The following KCNIP4 variants were observed in gnomAD, a reference collection of about 807,000 sequenced individuals.
KCNIP4 encodes Kv channel-interacting protein 4.
In KCNIP4, 12 loss-of-function variants were observed where a neutral mutation model predicts 34.0. That is an observed-to-expected ratio of 0.35 (90% CI 0.23 to 0.57). KCNIP4 has a LOEUF of 0.57. Among genes scored for constraint, KCNIP4 ranks in the 20% least tolerant of loss-of-function variants. KCNIP4 has a pLI of 0.83. For missense variants in KCNIP4, 238 were observed against 311.7 expected, an observed-to-expected ratio of 0.76 and a Z score of 1.78; for synonymous variants, 124 against 102.2, an observed-to-expected ratio of 1.21 and a Z score of -1.29.
chr4:20,936,524 T>C (rs1278920381), intron 1 of KCNIP4, among the ~76,000 whole-genome samples: 1 of 152,020 alleles, frequency 6.6e-6, no homozygotes, highest in Non-Finnish European at 1.5e-5. Context: ...CTTCTACAAG[T>C]ACTGAATATT....
intron 1 of KCNIP4, among the ~76,000 whole-genome samples, chr4:21,042,352 A>T (rs992387182): frequency 1.3e-5 from 2 of 152,240 alleles, no homozygotes; most frequent in African/African-American, 4.8e-5. Context: ...ATATTATTTG[A>T]CCATTAAAAA....
At chr4:21,635,388 C>A (rs545318900) in intron 1 of KCNIP4, among the ~76,000 whole-genome samples, 158 of 152,270 alleles carry the variant, frequency 1.0e-3, no homozygotes, top group African/African-American at 3.7e-3. Flanking sequence ...AGAAATCAAT[C>A]ATCAGGATGT....
intron 1 of KCNIP4, among the ~76,000 whole-genome samples, chr4:21,276,391 A>G (rs894689248): frequency 3.0e-4 from 43 of 142,484 alleles, no homozygotes; most frequent in African/African-American, 1.0e-3. Flanking sequence ...GGGTAGATAC[A>G]GTGTTTCACC....
At chr4:21,609,196 G>T (rs141102831) in intron 1 of KCNIP4, among the ~76,000 whole-genome samples, 1 of 152,256 alleles carries the variant, frequency 6.6e-6, no homozygotes, top group African/African-American at 2.4e-5. Flanking sequence ...AGAAAAGCAA[G>T]AATATGCTTG....
At chr4:21,597,994 T>C (rs1217454838) in intron 1 of KCNIP4, among the ~76,000 whole-genome samples, 1 of 152,132 alleles carries the variant, frequency 6.6e-6, no homozygotes, top group African/African-American at 2.4e-5. Context: ...TATGAACTGT[T>C]GATTCAGTTG....
chr4:21,428,255 G>A (rs1394898059), intron 1 of KCNIP4, among the ~76,000 whole-genome samples: 1 of 152,156 alleles, frequency 6.6e-6, no homozygotes, highest in African/African-American at 2.4e-5. Context: ...ACATCGTATA[G>A]TCGTTTTTAA....
chr4:21,245,029 C>T lies in KCNIP4; in HGVS notation c.62-362320G>A, dbSNP rs558361588. On this transcript the variant is annotated intron_variant, in intron 1 of 8. Transcript: ENST00000382152. ...AATAGAGAAACACATGCCTTTCTATCGTATACGAGTAACAACCCAGGGCAT... is the reference window on the plus strand; with the variant it reads ...AATAGAGAAACACATGCCTTTCTATTGTATACGAGTAACAACCCAGGGCAT... Among the ~76,000 whole-genome samples, 50 of 152,288 alleles carry T rather than the reference C, an allele frequency of 3.3e-4. No individual in the cohort carries two copies. In the South Asian group the frequency reaches 9.3e-3, roughly 28 times the overall value.
intron 1 of KCNIP4, among the ~76,000 whole-genome samples, chr4:21,642,017 T>C (rs1746650549): frequency 6.6e-6 from 1 of 152,156 alleles, no homozygotes; most frequent in African/African-American, 2.4e-5. Context: ...AATAGTTACT[T>C]ACTCTGGATA....
chr4:21,157,543 T>C (rs911932608), intron 1 of KCNIP4, among the ~76,000 whole-genome samples: 2 of 151,904 alleles, frequency 1.3e-5, no homozygotes, highest in Non-Finnish European at 2.9e-5. Context: ...CGGAGATACC[T>C]GGAATGAATG....
At chr4:21,343,795 T>C (rs771517080) in intron 1 of KCNIP4, among the ~76,000 whole-genome samples, 2 of 152,132 alleles carry the variant, frequency 1.3e-5, no homozygotes, top group African/African-American at 2.4e-5. Flanking sequence ...CTGAAACTTA[T>C]AGGCAGGAAG....
At chr4:21,879,951 C>A (rs1726370056) in intron 1 of KCNIP4, among the ~76,000 whole-genome samples, 1 of 152,074 alleles carries the variant, frequency 6.6e-6, no homozygotes, top group Non-Finnish European at 1.5e-5. Flanking sequence ...CGCCTTCTTG[C>A]CGTCATGCAA....
At chr4:21,262,372 C>T (rs1185189876) in intron 1 of KCNIP4, among the ~76,000 whole-genome samples, 1 of 152,154 alleles carries the variant, frequency 6.6e-6, no homozygotes, top group African/African-American at 2.4e-5. Context: ...GGAGGATGAC[C>T]TTCAGGCTTC....
intron 1 of KCNIP4, among the ~76,000 whole-genome samples, chr4:21,067,036 G>A (rs927593278): frequency 7.9e-5 from 12 of 152,150 alleles, no homozygotes; most frequent in African/African-American, 2.9e-4. Context: ...AAAAAGAACT[G>A]TGTCTTGCAA....
At chr4:21,122,108 T>C (rs571461562) in intron 1 of KCNIP4, among the ~76,000 whole-genome samples, 2 of 152,290 alleles carry the variant, frequency 1.3e-5, no homozygotes, top group African/African-American at 4.8e-5. Flanking sequence ...AAAATTTCTC[T>C]TGTAGGAATC....
rs1748693233 is a variant in KCNIP4 at position 20,732,928 on chromosome 4, C to T, written c.538-143G>A. 4 of 578,970 alleles carry T rather than the reference C, an allele frequency of 6.9e-6. No homozygotes were observed. In the East Asian group the frequency reaches 1.2e-4, roughly 17 times the overall value. The allele number at this position is 578,970 out of a possible 1,614,324, so 35.9% of individuals were successfully genotyped here. ...TCTTTGTTAGACGACTGTTGGTTGT[C>T]CCAAAGGAAAAGGCAACAAACAGCT... On this transcript the variant is annotated intron_variant, in intron 6 of 8. Transcript: ENST00000382152.
At chr4:21,510,201 G>A (rs1224802061) in intron 1 of KCNIP4, among the ~76,000 whole-genome samples, 1 of 151,282 alleles carries the variant, frequency 6.6e-6, no homozygotes, top group African/African-American at 2.4e-5. Flanking sequence ...CTGAAAGCCT[G>A]TACTTCAAAA....
chr4:21,295,221 C>G (rs771571207), intron 1 of KCNIP4, among the ~76,000 whole-genome samples: 1 of 152,022 alleles, frequency 6.6e-6, no homozygotes, highest in East Asian at 1.9e-4. Context: ...TGCGCTCACA[C>G]GAAAGATTGG....
intron 1 of KCNIP4, among the ~76,000 whole-genome samples, chr4:21,079,260 T>A (rs1251008986): frequency 1.3e-5 from 2 of 152,142 alleles, no homozygotes; most frequent in Non-Finnish European, 2.9e-5. Flanking sequence ...AGTTTTTCAA[T>A]GTTTGAGCTA....
At chr4:20,792,829 A>T (rs575773111) in intron 3 of KCNIP4, among the ~76,000 whole-genome samples, 3 of 152,316 alleles carry the variant, frequency 2.0e-5, no homozygotes, top group African/African-American at 7.2e-5. Flanking sequence ...CAACTTCCTT[A>T]TCACAATGTT....
Sources: allele counts gnomAD v4.1 joint callset (sites outside exome capture counted in the v4.1 genomes callset), GRCh38; gene constraint gnomAD v4.1.1; transcripts MANE v1.5; gene names NCBI Gene and HGNC (gene_info 2026-07-23, HGNC 2026-07-21).